RECQL5: variants seen among roughly 807,000 people sequenced by gnomAD.
RECQL5 encodes the protein ATP-dependent DNA helicase Q5.
Under a neutral mutation model 103.4 loss-of-function variants are expected in RECQL5, and 88 were observed. The ratio of observed to expected loss-of-function variants is 0.85; its 90% CI spans 0.72 to 1.02. The LOEUF (loss-of-function observed/expected upper bound fraction) is 1.02. Ranked by LOEUF, RECQL5 falls within the 50% of genes least tolerant of loss-of-function variation. The pLI, the probability that RECQL5 is intolerant of heterozygous loss-of-function variation, is 0.00. For missense variants in RECQL5, 1,232 were observed against 1,284.3 expected (o/e 0.96, Z 0.62); for synonymous variants, 552 against 507.9 (o/e 1.09, Z -1.17).
At chr17:75,663,457 C>T (rs1000827354) in intron 3 of RECQL5, among the ~76,000 whole-genome samples, 1 of 151,960 alleles carries the variant, frequency 6.6e-6, no homozygotes, top group Non-Finnish European at 1.5e-5. Flanking sequence ...TTGACCGCAA[C>T]CCATCACATG....
chr17:75,661,814 G>A (rs1318715839), intron 4 of RECQL5, 106 bp from the exon 5 acceptor site: 7 of 781,552 alleles, frequency 9.0e-6, no homozygotes, highest in Admixed American at 7.0e-5. Context: ...TTCTCTCGTC[G>A]GCTTCAGTCT....
intron 2 of RECQL5, among the ~76,000 whole-genome samples, chr17:75,665,836 A>C (rs1044406131): frequency 6.6e-6 from 1 of 152,180 alleles, no homozygotes; most frequent in Admixed American, 6.5e-5. Context: ...TTGTTTAGAC[A>C]TGTATCATTA....
chr17:75,627,240 GA>G lies in RECQL5; in HGVS notation c.*181del, dbSNP rs1039620839. On this transcript the variant is annotated 3_prime_UTR_variant, in exon 20 of 20. Transcript: ENST00000317905. ...GGTCTATAGGCTTTGCAAGCAGAAA[GA>G]AAGGTGGGCTGACCTCTGACCTGGA... 1.9e-5 allele frequency: 13 copies of G among 678,108 alleles called. 1 individual carries two copies. Among genetic ancestry groups the G allele is most frequent in the Non-Finnish European group, 3.5e-5 (13 of 372,346 alleles). The allele number at this position is 678,108 out of a possible 1,614,324, so 42.0% of individuals were successfully genotyped here.
chr17:75,659,395 T>C (rs1449506342), intron 6 of RECQL5, among the ~76,000 whole-genome samples: 1 of 152,178 alleles, frequency 6.6e-6, no homozygotes, highest in Non-Finnish European at 1.5e-5. Flanking sequence ...TCTTGCTCTG[T>C]TGCACACGCT....
chr17:75,635,670 G>C (rs2148262823), intron 8 of RECQL5: 1 of 485,704 alleles, frequency 2.1e-6, no homozygotes, highest in Non-Finnish European at 2.7e-6. Flanking sequence ...TCTCCCACAA[G>C]TGTCAGTTAT....
Position 75,629,394 on chromosome 17 carries a change from G to C in RECQL5, c.2029C>G (p.Arg677Gly), listed in dbSNP as rs538753860. Residue 677 changes from arginine (R) to glycine (G), a missense_variant, in exon 16 of 20, where the codon CGG becomes GGG. By Grantham distance (125) the Arg-to-Gly change is moderately radical. Transcript: ENST00000317905. ...QTATELMETTRIREQAPQPER... is the reference protein window; with the variant it reads ...QTATELMETTGIREQAPQPER... ...GGCTGGGGGGCTTGCTCCCTGATCC[G>C]AGTTGTCTCCATCAGTTCCGTGGCC... 2.9e-5 allele frequency: 44 copies of C among 1,510,626 alleles called. No homozygotes were observed. The East Asian group carries it at 9.1e-4, about 31-fold the overall frequency. The allele number at this position is 1,510,626 out of a possible 1,614,324, so 93.6% of individuals were successfully genotyped here. A position where few individuals can be genotyped will look rare whatever the true frequency, so the allele number is the denominator to read the frequency against.
chr17:75,662,300 G>A (rs1048697662), intron 4 of RECQL5, among the ~76,000 whole-genome samples, 179 bp downstream of exon 4: 2 of 152,312 alleles, frequency 1.3e-5, no homozygotes, highest in Admixed American at 6.5e-5. Flanking sequence ...CCAGAACAAG[G>A]AAACCCTGGT....
At chr17:75,642,542 G>T (rs755885958) in intron 8 of RECQL5, among the ~76,000 whole-genome samples, 1 of 152,206 alleles carries the variant, frequency 6.6e-6, no homozygotes, top group African/African-American at 2.4e-5. Flanking sequence ...GACCCAGAGA[G>T]TAAGTGTTTT....
chr17:75,646,101 C>A (rs1000140249), intron 8 of RECQL5: 3 of 152,298 alleles, frequency 2.0e-5, no homozygotes, highest in Non-Finnish European at 4.4e-5. Context: ...CCCTATTGTG[C>A]CAGTGGGCAG....
intron 17 of RECQL5, 62 bp from the exon 18 acceptor site, chr17:75,628,504 TC>T: frequency 6.4e-7 from 1 of 1,567,828 alleles, no homozygotes. Flanking sequence ...GCTCCCCTCC[TC>T]CAGAAGACTG....
In RECQL5 at chr17:75,630,839, T is replaced by TGTG; in HGVS notation, c.1586-5_1586-3dup. The TGTG allele has an allele frequency of 9.7e-7, 1 of 1,028,620 alleles. No individual in the cohort carries two copies. The allele number at this position is 1,028,620 out of a possible 1,614,324, so 63.7% of individuals were successfully genotyped here. A position where few individuals can be genotyped will look rare whatever the true frequency, so the allele number is the denominator to read the frequency against. On this transcript the variant is annotated splice_region_variant and splice_polypyrimidine_tract_variant and intron_variant, in intron 11 of 19. Coordinates refer to ENST00000317905, the MANE Select transcript of RECQL5 (RefSeq NM_004259.7). ...CCTCTTTCAGGGGACAGTTCTCATC[T>TGTG]GTGGGGGGGGGGGGTGGTCCTTGGT...
rs750936583 is a variant in RECQL5, at chr17:75,631,664, G to A, written c.1234C>T (p.Arg412Cys). ...LVTFCEELGC[R>C]HAAIAKYFGD... Reference sequence around the variant, plus strand: ...AAGTACTTGGCAATGGCGGCATGGCGGCACCTGGAGCAGGCAGCACCGCAG... The same window carrying A: ...AAGTACTTGGCAATGGCGGCATGGCAGCACCTGGAGCAGGCAGCACCGCAG... The change falls in exon 9 of 20, where the codon CGC becomes TGC. Residue 412 changes from arginine to cysteine, a missense_variant. By Grantham distance (180) the Arg-to-Cys change is radical. Coordinates refer to ENST00000317905, the MANE Select transcript of RECQL5 (RefSeq NM_004259.7). 1.1e-5 allele frequency: 17 copies of A among 1,610,436 alleles called. No individual in the cohort carries two copies. Among genetic ancestry groups the A allele is most frequent in the African/African-American group, 4.0e-5 (3 of 74,874 alleles).
At chr17:75,641,208 A>G in intron 8 of RECQL5, 1 of 323,234 alleles carries the variant, frequency 3.1e-6, no homozygotes, top group Non-Finnish European at 6.0e-6. Flanking sequence ...AGGGGTCCCC[A>G]TACCTTGATG....
At chr17:75,665,296 G>A (rs997366060) in intron 2 of RECQL5, 124 bp from the exon 3 acceptor site, 110 of 839,586 alleles carry the variant, frequency 1.3e-4, no homozygotes, top group Non-Finnish European at 1.6e-4. Context: ...GGGTCTCGAT[G>A]TAATCCTAAT....
intron 8 of RECQL5, chr17:75,646,432 C>T: frequency 6.6e-6 from 1 of 152,508 alleles, no homozygotes; most frequent in Non-Finnish European, 1.5e-5. Context: ...CCGTCCACCC[C>T]AAGTCTGACT....
intron 7 of RECQL5, among the ~76,000 whole-genome samples, chr17:75,653,131 C>T (rs1244669121): frequency 6.6e-6 from 1 of 152,212 alleles, no homozygotes; most frequent in Non-Finnish European, 1.5e-5. Context: ...CATCAGCCAG[C>T]CTTCCCTTTG....
Position 75,630,661 on chromosome 17 carries a change from T to G in RECQL5, c.1676A>C (p.Glu559Ala). Residue 559 changes from glutamate (E) to alanine (A), a missense_variant, in exon 13 of 20, where the codon GAG (glutamate) becomes GCG (alanine). Coordinates refer to ENST00000317905, the MANE Select transcript of RECQL5 (RefSeq NM_004259.7). ...TGACTGGCGGTTGCTGCTCAGCGCC[T>G]CCTCCAGAAGCCGCAGGCAGTGCTC... ...AREHCLRLLE[E>A]ALSSNRQSTR... is the part of the protein sequence containing the mutation. 6.2e-7 allele frequency: 1 copy of G among 1,613,298 alleles called. No individual in the cohort carries two copies. The highest frequency in any genetic ancestry group is 8.5e-7 in the Non-Finnish European group (1 of 1,179,898).
rs560861131 is a variant in RECQL5 at position 75,646,999 on chromosome 17, CAG to C, written c.1229+4185_1229+4186del. Among the ~76,000 whole-genome samples, 8 of 152,342 alleles carry C rather than the reference CAG, an allele frequency of 5.3e-5. No individual in the cohort carries two copies. In the South Asian group the frequency reaches 6.2e-4, roughly 12 times the overall value. On this transcript the variant is annotated intron_variant, in intron 8 of 19. Transcript: ENST00000317905. Reference sequence around the variant, plus strand: ...TGTTTGGCAGTTGGGGCAGGAAAAACAGGGAGACTCTATCATGATGCTTTTTA... The same window carrying C: ...TGTTTGGCAGTTGGGGCAGGAAAAACGGAGACTCTATCATGATGCTTTTTA...
At chr17:75,641,222 A>G (rs1340997867) in intron 8 of RECQL5, 1 of 294,474 alleles carries the variant, frequency 3.4e-6, no homozygotes, top group African/African-American at 2.1e-5. Context: ...CTTGATGGAG[A>G]ACAGTCCCCA....
Sources: gnomAD v4.1 joint callset for allele counts (sites outside exome capture counted in the v4.1 genomes callset) on GRCh38, gnomAD v4.1.1 for gene constraint, MANE v1.5 for transcripts, NCBI Gene and HGNC (gene_info 2026-07-23, HGNC 2026-07-21) for gene names.